PPARGC1A: variants seen among roughly 807,000 people sequenced by gnomAD.
PPARGC1A encodes PPARG coactivator 1 alpha, also known as peroxisome proliferator-activated receptor gamma coactivator 1-alpha.
In PPARGC1A, 25 loss-of-function variants were observed where a neutral mutation model predicts 88.7. The ratio of observed to expected loss-of-function variants is 0.28; its 90% CI spans 0.21 to 0.39. The LOEUF (loss-of-function observed/expected upper bound fraction) is 0.39, where lower values mean the gene tolerates loss of function less well. Ranked by LOEUF, PPARGC1A falls within the 10% of genes least tolerant of loss-of-function variation. The pLI is 1.00. For missense variants in PPARGC1A, 880 were observed against 968.7 expected, an observed-to-expected ratio of 0.91 and a Z score of 1.22; for synonymous variants, 363 against 355.6, an observed-to-expected ratio of 1.02 and a Z score of -0.24.
At chr4:24,071,534 C>T in the PPARGC1A span, among the ~76,000 whole-genome samples, 1 of 151,614 alleles carries the variant, frequency 6.6e-6, no homozygotes, top group Non-Finnish European at 1.5e-5. Flanking sequence ...TTTATAAGTA[C>T]ATTATAATTT....
At chr4:23,817,972 T>C (rs867707765) in intron 7 of PPARGC1A, among the ~76,000 whole-genome samples, 55 of 152,122 alleles carry the variant, frequency 3.6e-4, no homozygotes, top group African/African-American at 1.3e-3. Context: ...TCTGAACTAG[T>C]TGTTATTTCT....
At chr4:24,279,225 C>G in the PPARGC1A span, among the ~76,000 whole-genome samples, 18 of 152,204 alleles carry the variant, frequency 1.2e-4, no homozygotes, top group Non-Finnish European at 4.4e-5. Context: ...TTCAATGCCT[C>G]TCCGTTTTGC....
chr4:23,834,433 G>A (rs1014544068), intron 2 of PPARGC1A, among the ~76,000 whole-genome samples: 1 of 151,870 alleles, frequency 6.6e-6, no homozygotes, highest in Non-Finnish European at 1.5e-5. Flanking sequence ...AGGTTGCAGT[G>A]AGCCAAGATC....
At chr4:24,051,167 G>A in the PPARGC1A span, among the ~76,000 whole-genome samples, 1 of 107,314 alleles carries the variant, frequency 9.3e-6, no homozygotes, top group Non-Finnish European at 1.7e-5. Flanking sequence ...CAGCCTGGGT[G>A]ACAGAGCATG....
the PPARGC1A span, among the ~76,000 whole-genome samples, chr4:24,064,355 G>T: frequency 6.6e-6 from 1 of 152,122 alleles, no homozygotes; most frequent in African/African-American, 2.4e-5. Context: ...GAGGTAAGGG[G>T]ACCAGTGGGG....
In PPARGC1A at chr4:23,890,041, C is replaced by T; in HGVS notation, c.-84G>A. ...CACACACTCATGCAGGCAACCAGCC[C>T]CTTACTGAGAGTGAACTGAAGGCAC... On this transcript the variant is annotated 5_prime_UTR_variant, in exon 1 of 13. Transcript: ENST00000264867. 6.3e-7 allele frequency: 1 copy of T among 1,588,284 alleles called. No homozygotes were observed. The highest frequency in any genetic ancestry group is 2.2e-5 in the East Asian group (1 of 44,574).
chr4:23,983,333 T>C, the PPARGC1A span, among the ~76,000 whole-genome samples: 1 of 152,172 alleles, frequency 6.6e-6, no homozygotes, highest in Admixed American at 6.6e-5. Flanking sequence ...ACTGAATGCA[T>C]GAAGGACATC....
the PPARGC1A span, among the ~76,000 whole-genome samples, chr4:24,270,655 T>G: frequency 1.3e-5 from 2 of 152,154 alleles, no homozygotes. Flanking sequence ...TTGTGTAACT[T>G]ATGAGGATTA....
the PPARGC1A span, among the ~76,000 whole-genome samples, chr4:24,069,507 G>C: frequency 2.6e-5 from 4 of 152,074 alleles, no homozygotes; most frequent in Non-Finnish European, 5.9e-5. Flanking sequence ...AGTGACACTG[G>C]TCATACTGCC....
the PPARGC1A span, among the ~76,000 whole-genome samples, chr4:24,135,943 A>T: frequency 1.2e-4 from 19 of 152,170 alleles, no homozygotes; most frequent in Non-Finnish European, 1.9e-4. Context: ...TGGCCCTGCC[A>T]AGGGTAAAAA....
At chr4:23,801,048 T>C (rs988158764) in intron 12 of PPARGC1A, among the ~76,000 whole-genome samples, 4 of 151,814 alleles carry the variant, frequency 2.6e-5, no homozygotes, top group Non-Finnish European at 5.9e-5. Context: ...TTGTAGTTCA[T>C]AGAAAATGAT....
the PPARGC1A span, among the ~76,000 whole-genome samples, chr4:24,433,358 T>TG: frequency 3.9e-5 from 6 of 152,014 alleles, no homozygotes; most frequent in African/African-American, 9.7e-5. Flanking sequence ...TACTTCGCTC[T>TG]GGGGGGGACA....
intron 11 of PPARGC1A, 90 bp from the exon 12 acceptor site, chr4:23,801,971 G>A (rs1718841209): frequency 2.7e-6 from 4 of 1,478,176 alleles, no homozygotes. Flanking sequence ...CTTCTCCAGT[G>A]CCAACGTCTG....
At chr4:24,299,892 A>G in the PPARGC1A span, among the ~76,000 whole-genome samples, 1 of 152,226 alleles carries the variant, frequency 6.6e-6, no homozygotes, top group Non-Finnish European at 1.5e-5. Context: ...TATTCATTGT[A>G]TATTAATCAA....
At chr4:24,314,949 T>C in the PPARGC1A span, among the ~76,000 whole-genome samples, 2 of 151,948 alleles carry the variant, frequency 1.3e-5, no homozygotes, top group South Asian at 4.2e-4. Flanking sequence ...TTAATAACTC[T>C]TATGGCATCC....
chr4:24,178,933 T>C, the PPARGC1A span, among the ~76,000 whole-genome samples: 1 of 152,356 alleles, frequency 6.6e-6, no homozygotes, highest in South Asian at 2.1e-4. Flanking sequence ...TGTTTTTGTT[T>C]CTTTTTTAAT....
the PPARGC1A span, among the ~76,000 whole-genome samples, chr4:24,216,653 G>A: frequency 6.6e-6 from 1 of 151,986 alleles, no homozygotes; most frequent in Non-Finnish European, 1.5e-5. Context: ...TTCCTCTAGG[G>A]CCCTAGTCTC....
chr4:23,956,090 T>C, the PPARGC1A span, among the ~76,000 whole-genome samples: 1 of 152,116 alleles, frequency 6.6e-6, no homozygotes, highest in Non-Finnish European at 1.5e-5. Flanking sequence ...CACAAAACAT[T>C]ATTCTTCCTT....
chr4:23,854,879 C>T (rs1729910109), intron 2 of PPARGC1A, among the ~76,000 whole-genome samples: 1 of 152,092 alleles, frequency 6.6e-6, no homozygotes. Context: ...CCAATATAAA[C>T]TAGGTTGAAA....
Sources: gnomAD v4.1 joint callset for allele counts (sites outside exome capture counted in the v4.1 genomes callset) on GRCh38, gnomAD v4.1.1 for gene constraint, MANE v1.5 for transcripts, NCBI Gene and HGNC (gene_info 2026-07-23, HGNC 2026-07-21) for gene names.